The following HLA-DQA1 variants were observed in gnomAD, a reference collection of about 807,000 sequenced individuals.
The protein encoded by HLA-DQA1 is major histocompatibility complex, class II, DQ alpha 1.
HLA-DQA1 carries 10 observed loss-of-function variants against 20.7 expected under a neutral mutation model. The observed-to-expected ratio is 0.48, with a 90% confidence interval of 0.30 to 0.82. HLA-DQA1 has a LOEUF of 0.82. Among genes scored for constraint, HLA-DQA1 ranks in the 40% least tolerant of loss-of-function variants. HLA-DQA1 has a pLI of 0.07. For missense variants in HLA-DQA1, 127 were observed against 293.0 expected (o/e 0.43, Z 4.14); for synonymous variants, 39 against 109.2 (o/e 0.36, Z 4.01).
chr6:32,650,951 T>C (rs62404128), downstream of HLA-DQA1, among the ~76,000 whole-genome samples: 11,738 of 80,812 alleles, frequency 0.15, 4,125 homozygotes, highest in South Asian at 0.36. Context: ...TGTAGTGCAG[T>C]GGTGCGATCT....
At chr6:32,641,282 C>T (rs1290005782) in intron 1 of HLA-DQA1, 28 bp from the exon 2 acceptor site, 1 of 1,243,430 alleles carries the variant, frequency 8.0e-7, no homozygotes, top group Non-Finnish European at 1.1e-6. Flanking sequence ...TGTTCTCCGC[C>T]TTCCTGCTTG....
At chr6:32,646,819 T>C (rs184139422), downstream of HLA-DQA1, 41 of 82,104 alleles carry the variant, frequency 5.0e-4, 12 homozygotes, top group Admixed American at 1.3e-3. Flanking sequence ...ATCCAGAATA[T>C]GGAAACTTCT....
Position 32,642,854 on chromosome 6 carries a change from A to G in HLA-DQA1, c.*20+70A>G. 2.1e-6 allele frequency: 2 copies of G among 953,320 alleles called. 1 individual carries two copies. Among genetic ancestry groups the G allele is most frequent in the Non-Finnish European group, 3.1e-6 (2 of 637,742 alleles). 59.1% of individuals were successfully genotyped at this position (953,320 alleles called of 1,614,324 possible). The stretch of plus-strand genomic sequence containing the variant: ...AGGAAAGTGGGAGGGCGTTGTGGAC[A>G]TGAATGTGGTTGAAAGTTGTAGGGG... On this transcript the variant is annotated intron_variant, in intron 4 of 4. Transcript: ENST00000343139.
downstream of HLA-DQA1, among the ~76,000 whole-genome samples, chr6:32,648,336 C>A (rs1189958770): frequency 4.8e-5 from 4 of 83,260 alleles, 2 homozygotes; most frequent in Non-Finnish European, 1.1e-4. Context: ...AAAAAAAGAG[C>A]ATTTTAGGCC....
intron 3 of HLA-DQA1, 122 bp downstream of exon 3, chr6:32,642,375 C>CT (rs202014999): frequency 0.02 from 9,151 of 450,170 alleles, 194 homozygotes; most frequent in East Asian, 0.033. Context: ...TTCTGTCTCT[C>CT]TTTTTTTTTT....
downstream of HLA-DQA1, among the ~76,000 whole-genome samples, chr6:32,651,271 C>CT (rs1782172899): frequency 3.3e-5 from 3 of 91,548 alleles, no homozygotes; most frequent in Non-Finnish European, 7.2e-5. Context: ...AAAATGTAAT[C>CT]AAGAAAATCT....
At chr6:32,637,731 G>T (rs2213287) in intron 1 of HLA-DQA1, among the ~76,000 whole-genome samples, 191 bp downstream of exon 1, 24,696 of 89,022 alleles carry the variant, frequency 0.28, 6,818 homozygotes, top group East Asian at 0.46. Flanking sequence ...TATCTATGCT[G>T]TTGTGTTCAC....
At chr6:32,638,107 C>CT (rs1781025513) in intron 1 of HLA-DQA1, among the ~76,000 whole-genome samples, 1 of 128,420 alleles carries the variant, frequency 7.8e-6, no homozygotes, top group African/African-American at 2.9e-5. Flanking sequence ...ATGGTCCTCA[C>CT]TTACTCTCAG....
chr6:32,654,326 A>G, the HLA-DQA1 span, among the ~76,000 whole-genome samples: 23,541 of 82,232 alleles, frequency 0.29, 5,055 homozygotes, highest in Middle Eastern at 0.43. Context: ...TTTCAGTTAG[A>G]CAGGAGGAAT....
At chr6:32,639,581 C>G in intron 1 of HLA-DQA1, 1 of 97,744 alleles carries the variant, frequency 1.0e-5, no homozygotes, top group South Asian at 3.1e-4. Flanking sequence ...GATGAAAAGT[C>G]ATGCTGTCTT....
rs3667 is a variant in HLA-DQA1, at chr6:32,643,157, A to G, written c.*226A>G. 0.15 allele frequency: 47,071 copies of G among 308,236 alleles called. 11,447 individuals are homozygous for G. Among genetic ancestry groups the G allele is most frequent in the Middle Eastern group, 0.3 (612 of 2,068 alleles). The allele number at this position is 308,236 out of a possible 1,614,324, so 19.1% of individuals were successfully genotyped here. ...TCCTGATTTTTTTTTTCTTTTCTCA[A>G]ATGTTACCTACAAAGACATGCCTGG... is the stretch of plus-strand genomic sequence containing the variant. On this transcript the variant is annotated 3_prime_UTR_variant, in exon 5 of 5. Transcript: ENST00000343139.
In HLA-DQA1 at chr6:32,637,570, G is replaced by A. The variant is rs1046185620; in HGVS notation, c.82+30G>A. On this transcript the variant is annotated intron_variant, in intron 1 of 4. Coordinates refer to ENST00000343139, the MANE Select transcript of HLA-DQA1 (RefSeq NM_002122.5). Reference sequence around the variant, plus strand: ...GTGCATGAGTGAGGGATGTTCTCTGGAGCTGAAAAACAGTAAATTGAAGGA... The same window carrying A: ...GTGCATGAGTGAGGGATGTTCTCTGAAGCTGAAAAACAGTAAATTGAAGGA... 4.1e-6 allele frequency: 4 copies of A among 969,090 alleles called. No homozygotes were observed. The African/African-American group carries it at 7.4e-5, about 18-fold the overall frequency. The allele number at this position is 969,090 out of a possible 1,614,324, so 60.0% of individuals were successfully genotyped here.
downstream of HLA-DQA1, chr6:32,646,655 G>A (rs193292687): frequency 7.0e-4 from 74 of 106,322 alleles, 29 homozygotes; most frequent in East Asian, 0.021. Context: ...GGGACTTGAA[G>A]AATTAAACAT....
Position 32,643,565 on chromosome 6 carries a change from A to AAT in HLA-DQA1, c.*635_*636insTA, listed in dbSNP as rs1781656697. 1.3e-5 allele frequency: 2 copies of AAT among 157,782 alleles called. No homozygotes were observed. Among genetic ancestry groups the AAT allele is most frequent in the African/African-American group, 2.5e-5 (1 of 40,610 alleles). The allele number at this position is 157,782 out of a possible 1,614,324, so 9.8% of individuals were successfully genotyped here. ...AGAATTGTTATAGCAAAAATTTTAG[A>AAT]ACCAAAAAATAAGTCTGTACTAATT... On this transcript the variant is annotated 3_prime_UTR_variant, in exon 5 of 5. Coordinates refer to ENST00000343139, the MANE Select transcript of HLA-DQA1 (RefSeq NM_002122.5).
the HLA-DQA1 span, among the ~76,000 whole-genome samples, chr6:32,652,239 C>T: frequency 1.2e-5 from 1 of 85,848 alleles, no homozygotes; most frequent in Non-Finnish European, 2.5e-5. Context: ...CGAGATCATG[C>T]CACTGCACTC....
chr6:32,640,956 T>TGAC (rs1781348362), intron 1 of HLA-DQA1, among the ~76,000 whole-genome samples: 1 of 75,302 alleles, frequency 1.3e-5, no homozygotes, highest in Non-Finnish European at 3.1e-5. Context: ...GAAGTAAACC[T>TGAC]AATTTCTGAC....
rs1157908678 is a variant in HLA-DQA1 at position 32,637,456 on chromosome 6, A to C, written c.-3A>C. The C allele has an allele frequency of 8.6e-7, 1 of 1,159,528 alleles. No individual in the cohort carries two copies. The highest frequency in any genetic ancestry group is 1.2e-6 in the Non-Finnish European group (1 of 828,600). 71.8% of individuals were successfully genotyped at this position (1,159,528 alleles called of 1,614,324 possible). Reference sequence around the variant, plus strand: ...CAACTGCTGAGGCTGCCTTGGGAAGAGGATGATCCTAAACAAAGCTCTGCT... The same window carrying C: ...CAACTGCTGAGGCTGCCTTGGGAAGCGGATGATCCTAAACAAAGCTCTGCT... On this transcript the variant is annotated 5_prime_UTR_variant, in exon 1 of 5. Coordinates refer to ENST00000343139, the MANE Select transcript of HLA-DQA1 (RefSeq NM_002122.5).
At chr6:32,650,855 TAATAA>T (rs1239866855), downstream of HLA-DQA1, among the ~76,000 whole-genome samples, 2 of 21,266 alleles carry the variant, frequency 9.4e-5, 1 homozygote, top group Non-Finnish European at 1.9e-4. Context: ...ATAATAATAA[TAATAA>T]TAATAATAAT....
chr6:32,641,928 C>T (rs780945000), intron 2 of HLA-DQA1, 44 bp from the exon 3 acceptor site: 1 of 1,141,286 alleles, frequency 8.8e-7, no homozygotes, highest in Non-Finnish European at 1.2e-6. Context: ...AACTTCAGGG[C>T]AGAGCTATTC....
Sources: allele counts gnomAD v4.1 joint callset (sites outside exome capture counted in the v4.1 genomes callset), GRCh38; gene constraint gnomAD v4.1.1; transcripts MANE v1.5; gene names NCBI Gene and HGNC (gene_info 2026-07-23, HGNC 2026-07-21).